The following TRAPPC6B variants were observed in gnomAD, a reference collection of about 807,000 sequenced individuals.
The protein encoded by TRAPPC6B is trafficking protein particle complex subunit 6B, also known as TRAPP complex subunit 6B.
In TRAPPC6B, 27 loss-of-function variants were observed where a neutral mutation model predicts 24.7. That is an observed-to-expected ratio of 1.09 (90% CI 0.81 to 1.51). The LOEUF is 1.51. TRAPPC6B is among the 40% of genes most tolerant of loss of function. The pLI is 0.00. For synonymous variants in TRAPPC6B, 80 were observed against 66.6 expected (o/e 1.20, Z -0.98); for missense variants, 212 against 190.8 (o/e 1.11, Z -0.66).
At chr14:39,158,047 T>C (rs2053006196) in intron 3 of TRAPPC6B, among the ~76,000 whole-genome samples, 1 of 152,206 alleles carries the variant, frequency 6.6e-6, no homozygotes, top group Non-Finnish European at 1.5e-5. Context: ...TATGCTACTT[T>C]AAAAAACTTA....
intron 3 of TRAPPC6B, among the ~76,000 whole-genome samples, chr14:39,155,682 G>A (rs186684468): frequency 2.4e-4 from 37 of 151,968 alleles, no homozygotes; most frequent in Non-Finnish European, 3.5e-4. Flanking sequence ...GACTATAAGC[G>A]TGCGCCAATA....
Position 39,148,935 on chromosome 14 carries a change from A to T in TRAPPC6B, c.*1415T>A, listed in dbSNP as rs2052885633. 2 of 392,760 alleles carry T rather than the reference A, an allele frequency of 5.1e-6. No individual in the cohort carries two copies. Among genetic ancestry groups the T allele is most frequent in the South Asian group, 2.9e-4 (2 of 6,984 alleles). The allele number at this position is 392,760 out of a possible 1,614,324, so 24.3% of individuals were successfully genotyped here. ...TGTACAGCATATTATTGTAGTGAATACTGTAGGACACTGTAACACAATGGT... is the reference window on the plus strand; with the variant it reads ...TGTACAGCATATTATTGTAGTGAATTCTGTAGGACACTGTAACACAATGGT... On this transcript the variant is annotated 3_prime_UTR_variant, in exon 6 of 6. Coordinates refer to ENST00000330149, the MANE Select transcript of TRAPPC6B (RefSeq NM_001079537.2).
At chr14:39,162,284 CCAAG>C (rs2053068145) in intron 1 of TRAPPC6B, among the ~76,000 whole-genome samples, 1 of 152,024 alleles carries the variant, frequency 6.6e-6, no homozygotes, top group Admixed American at 6.6e-5. Context: ...CCTCAGTCTC[CCAAG>C]TAGCTAGGAC....
chr14:39,164,256 C>G (rs572966754), intron 1 of TRAPPC6B, among the ~76,000 whole-genome samples: 1 of 152,078 alleles, frequency 6.6e-6, no homozygotes, highest in Non-Finnish European at 1.5e-5. Flanking sequence ...TTTGGGAGGC[C>G]GAGGCAGGCG....
At chr14:39,157,675 C>T in intron 3 of TRAPPC6B, 1 of 270,190 alleles carries the variant, frequency 3.7e-6, no homozygotes, top group South Asian at 4.0e-5. Flanking sequence ...CGCCTTTACA[C>T]AGATTAACTC....
At chr14:39,164,956 T>C (rs2053093060) in intron 1 of TRAPPC6B, among the ~76,000 whole-genome samples, 3 of 152,218 alleles carry the variant, frequency 2.0e-5, no homozygotes, top group African/African-American at 7.2e-5. Flanking sequence ...CCTTCCCTTT[T>C]ACCACTCTGA....
intron 1 of TRAPPC6B, among the ~76,000 whole-genome samples, chr14:39,160,595 G>GAAAGA (rs2053044718): frequency 7.6e-6 from 1 of 131,022 alleles, no homozygotes; most frequent in African/African-American, 2.8e-5. Flanking sequence ...GAAGAGAAGA[G>GAAAGA]AAAGAAAAGA....
Position 39,151,764 on chromosome 14 carries a change from C to A in TRAPPC6B, c.427G>T (p.Val143Leu). The A allele has an allele frequency of 6.2e-7, 1 of 1,604,298 alleles. No individual in the cohort carries two copies. Among genetic ancestry groups the A allele is most frequent in the Non-Finnish European group, 8.5e-7 (1 of 1,176,624 alleles). ...LGIKSIVTAE[V>L]SSMPACKFQV... ...AACTTACAAGCAGGCATTGAAGACA[C>A]TTCAGCTGTTACAATACTTTTTATT... The change falls in exon 5 of 6, where the codon GTG becomes TTG. Residue 143 changes from valine (V) to leucine (L), a missense_variant. Coordinates refer to ENST00000330149, the MANE Select transcript of TRAPPC6B (RefSeq NM_001079537.2).
intron 3 of TRAPPC6B, chr14:39,157,557 G>T: frequency 2.5e-6 from 1 of 395,556 alleles, no homozygotes; most frequent in East Asian, 7.3e-5. Flanking sequence ...CCATCGAGGT[G>T]GCTGTCTTCC....
At position 39,167,317 on chromosome 14, in the gene TRAPPC6B, C is replaced by T. The variant is rs530145327; in HGVS notation, c.81+2698G>A. Among the ~76,000 whole-genome samples the T allele has an allele frequency of 2.4e-4, 36 of 152,188 alleles. No individual in the cohort carries two copies. The South Asian group carries it at 6.6e-3, about 28-fold the overall frequency. On this transcript the variant is annotated intron_variant, in intron 1 of 5. Coordinates refer to ENST00000330149, the MANE Select transcript of TRAPPC6B (RefSeq NM_001079537.2). The stretch of plus-strand genomic sequence containing the variant: ...TGGAGGGTTAGAACACTGTTTCTTT[C>T]TTTTATCTCACCTCAAGTCTTATGG...
intron 1 of TRAPPC6B, among the ~76,000 whole-genome samples, chr14:39,163,047 AC>A (rs1190631864): frequency 6.7e-6 from 1 of 150,132 alleles, no homozygotes; most frequent in African/African-American, 2.5e-5. Context: ...GCAACATCAT[AC>A]CCCTTTGGCA....
chr14:39,166,399 T>C (rs1028991752), intron 1 of TRAPPC6B, among the ~76,000 whole-genome samples: 2 of 152,184 alleles, frequency 1.3e-5, no homozygotes, highest in East Asian at 1.9e-4. Flanking sequence ...TTTGCAAAGA[T>C]TGTAACAGTA....
rs958489965 is a variant in TRAPPC6B at position 39,170,317 on chromosome 14, G to C, written c.-222C>G. On this transcript the variant is annotated 5_prime_UTR_variant, in exon 1 of 6. Transcript: ENST00000330149. ...CACACTTCGGGGCTACCAAATCCTA[G>C]GGCCGAACTAAAGTCTGACGGGAGC... is the stretch of plus-strand genomic sequence containing the variant. The C allele has an allele frequency of 3.6e-6, 2 of 562,092 alleles. No homozygotes were observed. Among genetic ancestry groups the C allele is most frequent in the Admixed American group, 3.5e-5 (1 of 28,652 alleles). 34.8% of individuals were successfully genotyped at this position (562,092 alleles called of 1,614,324 possible).
chr14:39,152,998 A>G (rs1319120060), intron 4 of TRAPPC6B, among the ~76,000 whole-genome samples: 2 of 151,782 alleles, frequency 1.3e-5, no homozygotes, highest in Non-Finnish European at 2.9e-5. Flanking sequence ...GGGAGGCTGT[A>G]ATCCCAGCAT....
chr14:39,150,344 T>G lies in TRAPPC6B; in HGVS notation c.*6A>C. 1 of 1,584,184 alleles carries G rather than the reference T, an allele frequency of 6.3e-7. No homozygotes were observed. Among genetic ancestry groups the G allele is most frequent in the Non-Finnish European group, 8.5e-7 (1 of 1,171,780 alleles). On this transcript the variant is annotated 3_prime_UTR_variant, in exon 6 of 6. Transcript: ENST00000330149. ...ACACTGTTGAAGCCTTGCATTTCAGTATGTTCTACAGCTTCTGTATCATCA... is the reference window on the plus strand; with the variant it reads ...ACACTGTTGAAGCCTTGCATTTCAGGATGTTCTACAGCTTCTGTATCATCA...
At chr14:39,167,068 C>A (rs1793676678) in intron 1 of TRAPPC6B, among the ~76,000 whole-genome samples, 1 of 152,226 alleles carries the variant, frequency 6.6e-6, no homozygotes, top group African/African-American at 2.4e-5. Flanking sequence ...TATGCAGACA[C>A]TTTCAAATCC....
chr14:39,166,785 G>A (rs1458258969), intron 1 of TRAPPC6B, among the ~76,000 whole-genome samples: 1 of 151,850 alleles, frequency 6.6e-6, no homozygotes, highest in Non-Finnish European at 1.5e-5. Flanking sequence ...TTTGCATTTC[G>A]GATGACTCCA....
At chr14:39,155,579 C>G (rs2052967333) in intron 3 of TRAPPC6B, among the ~76,000 whole-genome samples, 1 of 151,844 alleles carries the variant, frequency 6.6e-6, no homozygotes, top group South Asian at 2.1e-4. Flanking sequence ...CTCTGTCGCC[C>G]AGGCTGGAGT....
chr14:39,157,106 C>CAAA (rs58837625), intron 3 of TRAPPC6B: 4 of 142,900 alleles, frequency 2.8e-5, no homozygotes, highest in East Asian at 2.4e-4. Context: ...GACTCCATCT[C>CAAA]AAAAAAAAAA....
Sources: gnomAD v4.1 joint callset for allele counts (sites outside exome capture counted in the v4.1 genomes callset) on GRCh38, gnomAD v4.1.1 for gene constraint, MANE v1.5 for transcripts, NCBI Gene and HGNC (gene_info 2026-07-23, HGNC 2026-07-21) for gene names.